The following MACROD2 variants were observed in gnomAD, a reference collection of about 807,000 sequenced individuals.
MACROD2 encodes ADP-ribose glycohydrolase MACROD2.
A neutral mutation model predicts 70.4 loss-of-function variants in MACROD2; 36 were observed. The ratio of observed to expected loss-of-function variants is 0.51; its 90% confidence interval spans 0.39 to 0.68. The LOEUF (loss-of-function observed/expected upper bound fraction) is 0.68. Among genes scored for constraint, MACROD2 ranks in the 30% least tolerant of loss-of-function variants. The pLI is 0.00. For missense variants in MACROD2, 496 were observed against 538.4 expected (o/e 0.92, Z 0.78); for synonymous variants, 172 against 178.8 (o/e 0.96, Z 0.30).
chr20:15,687,286 G>GTA (rs111727452), intron 8 of MACROD2, among the ~76,000 whole-genome samples: 30 of 149,204 alleles, frequency 2.0e-4, no homozygotes, highest in African/African-American at 4.9e-4. Context: ...ACATGAAATT[G>GTA]TATATATATA....
chr20:14,716,749 A>G lies in MACROD2; in HGVS notation c.418+31790A>G, dbSNP rs527832638. On this transcript the variant is annotated intron_variant, in intron 5 of 17. Transcript: ENST00000684519. ...GGTAAAAAAAATGTGTAATTGAAACAGTATGATGTTGATGAGGCAGTGTGT... is the reference window on the plus strand; with the variant it reads ...GGTAAAAAAAATGTGTAATTGAAACGGTATGATGTTGATGAGGCAGTGTGT... Among the ~76,000 whole-genome samples the G allele has an allele frequency of 1.1e-3, 163 of 152,286 alleles. 1 individual carries two copies. Among genetic ancestry groups the G allele is most frequent in the African/African-American group, 2.0e-3 (85 of 41,550 alleles).
chr20:15,624,797 G>C (rs553875013), intron 8 of MACROD2, among the ~76,000 whole-genome samples: 1 of 152,208 alleles, frequency 6.6e-6, no homozygotes, highest in South Asian at 2.1e-4. Flanking sequence ...TATATAATAT[G>C]CTTTCATTTT....
In MACROD2 at chr20:15,730,511, C is replaced by A. The variant is rs941534461; in HGVS notation, c.646-132234C>A. On this transcript the variant is annotated intron_variant, in intron 8 of 17. Transcript: ENST00000684519. ...TTTTCCTTAAGAATGCTGACTATAGCCCTCAATCTCTTCTGGCTTGTGGGG... is the reference window on the plus strand; with the variant it reads ...TTTTCCTTAAGAATGCTGACTATAGACCTCAATCTCTTCTGGCTTGTGGGG... Among the ~76,000 whole-genome samples the A allele has an allele frequency of 2.0e-5, 3 of 152,216 alleles. No homozygotes were observed. The East Asian group carries it at 5.8e-4, about 29-fold the overall frequency.
rs556261782 is a variant in MACROD2, at chr20:15,007,382, A to C, written c.419-222558A>C. On this transcript the variant is annotated intron_variant, in intron 5 of 17. Transcript: ENST00000684519. ...CCATCTCAAAAACAAAAACAAACAA[A>C]AAAAAAACACAAAAAAGCCCAGGAG... Among the ~76,000 whole-genome samples the C allele has an allele frequency of 4.4e-3, 662 of 151,836 alleles. 4 individuals are homozygous for C. Among genetic ancestry groups the C allele is most frequent in the African/African-American group, 0.015 (639 of 41,268 alleles).
chr20:14,794,559 T>C (rs991376163), intron 5 of MACROD2, among the ~76,000 whole-genome samples: 7 of 152,136 alleles, frequency 4.6e-5, no homozygotes, highest in Non-Finnish European at 8.8e-5. Context: ...GTTTTTTTTC[T>C]GGTTTCAACT....
intron 5 of MACROD2, among the ~76,000 whole-genome samples, chr20:15,151,822 G>T (rs898930954): frequency 2.0e-5 from 3 of 152,004 alleles, no homozygotes; most frequent in Non-Finnish European, 4.4e-5. Flanking sequence ...AGCTGGACCG[G>T]GTGTGAGGAG....
At chr20:15,161,122 C>T (rs1463982805) in intron 5 of MACROD2, among the ~76,000 whole-genome samples, 1 of 151,932 alleles carries the variant, frequency 6.6e-6, no homozygotes, top group African/African-American at 2.4e-5. Flanking sequence ...TGTCAGTTCA[C>T]CTCTCTGAGT....
At chr20:14,704,753 C>T (rs974049000) in intron 5 of MACROD2, among the ~76,000 whole-genome samples, 3 of 152,278 alleles carry the variant, frequency 2.0e-5, no homozygotes, top group Middle Eastern at 3.4e-3. Flanking sequence ...GCACCAGACT[C>T]TTACCACATT....
At chr20:15,618,088 C>G (rs1319804178) in intron 8 of MACROD2, among the ~76,000 whole-genome samples, 1 of 119,886 alleles carries the variant, frequency 8.3e-6, no homozygotes, top group Admixed American at 9.2e-5. Context: ...AGAAGGCCAT[C>G]ATTAGTCTTT....
At chr20:14,446,454 T>G (rs906751015) in intron 3 of MACROD2, among the ~76,000 whole-genome samples, 1 of 152,064 alleles carries the variant, frequency 6.6e-6, no homozygotes, top group Non-Finnish European at 1.5e-5. Context: ...CTCTCAAGTT[T>G]TGAAGAGTTA....
intron 6 of MACROD2, among the ~76,000 whole-genome samples, chr20:15,409,309 A>C (rs1192596100): frequency 6.6e-6 from 1 of 152,188 alleles, no homozygotes; most frequent in East Asian, 1.9e-4. Context: ...CTGTATATTA[A>C]GTTGCAGGGA....
At chr20:15,736,926 T>C (rs2051030207) in intron 8 of MACROD2, among the ~76,000 whole-genome samples, 1 of 152,216 alleles carries the variant, frequency 6.6e-6, no homozygotes, top group African/African-American at 2.4e-5. Context: ...TTGAGGCTAG[T>C]ATTTTTAAGA....
At chr20:15,642,355 C>T (rs944849496) in intron 8 of MACROD2, among the ~76,000 whole-genome samples, 6 of 152,124 alleles carry the variant, frequency 3.9e-5, no homozygotes, top group African/African-American at 1.4e-4. Context: ...GGTCTGGAAT[C>T]GATCCCAGCA....
intron 12 of MACROD2, among the ~76,000 whole-genome samples, chr20:15,957,976 A>G (rs1482583380): frequency 6.6e-6 from 1 of 152,238 alleles, no homozygotes; most frequent in Non-Finnish European, 1.5e-5. Flanking sequence ...ATGGTGCTTT[A>G]TCAGATAAGG....
At chr20:15,013,484 C>A (rs1600947179) in intron 5 of MACROD2, among the ~76,000 whole-genome samples, 1 of 152,090 alleles carries the variant, frequency 6.6e-6, no homozygotes, top group Non-Finnish European at 1.5e-5. Context: ...CTGTCAAGCC[C>A]CTTTGAGGAT....
chr20:15,577,650 C>A (rs1600619692), intron 8 of MACROD2, among the ~76,000 whole-genome samples: 1 of 150,112 alleles, frequency 6.7e-6, no homozygotes, highest in Admixed American at 6.7e-5. Flanking sequence ...TCCCTGCGTG[C>A]GTACATATTT....
intron 2 of MACROD2, among the ~76,000 whole-genome samples, chr20:14,006,510 T>C (rs2052824095): frequency 6.6e-6 from 1 of 152,220 alleles, no homozygotes; most frequent in African/African-American, 2.4e-5. Context: ...AATACTATTA[T>C]TACCTCTCAC....
chr20:14,924,854 A>G (rs1600831682), intron 5 of MACROD2, among the ~76,000 whole-genome samples: 2 of 152,144 alleles, frequency 1.3e-5, no homozygotes, highest in African/African-American at 4.8e-5. Context: ...AAAACATATT[A>G]AAAACATGGA....
At chr20:16,032,113 T>C (rs1397843177) in intron 15 of MACROD2, among the ~76,000 whole-genome samples, 2 of 152,306 alleles carry the variant, frequency 1.3e-5, no homozygotes, top group Admixed American at 6.5e-5. Context: ...TTTATTGAAC[T>C]TTATCTTTAT....
Sources: gnomAD v4.1 joint callset for allele counts (sites outside exome capture counted in the v4.1 genomes callset) on GRCh38, gnomAD v4.1.1 for gene constraint, MANE v1.5 for transcripts, NCBI Gene and HGNC (gene_info 2026-07-23, HGNC 2026-07-21) for gene names.